The following GSE1 variants were observed in gnomAD, a reference collection of about 807,000 sequenced individuals.
GSE1 encodes Gse1 coiled-coil protein.
GSE1 carries 32 observed loss-of-function variants against 112.6 expected under a neutral mutation model. The observed-to-expected ratio is 0.28, with a 90% confidence interval of 0.21 to 0.38. The LOEUF (loss-of-function observed/expected upper bound fraction) is 0.38. Ranked by LOEUF, GSE1 falls within the 10% of genes least tolerant of loss-of-function variation. The pLI, the probability that GSE1 is intolerant of heterozygous loss-of-function variation, is 1.00. For synonymous variants in GSE1, 1,115 were observed against 735.6 expected (o/e 1.52, Z -8.35); for missense variants, 2,348 against 1,699.2 (o/e 1.38, Z -6.71).
intron 1 of GSE1, among the ~76,000 whole-genome samples, chr16:85,579,504 G>T (rs1280739280): frequency 6.6e-6 from 1 of 152,234 alleles, no homozygotes; most frequent in Non-Finnish European, 1.5e-5. Flanking sequence ...GTCTGCAGCG[G>T]TTGCTGCCGG....
upstream of GSE1, chr16:85,555,799 G>A (rs1052236145): frequency 5.1e-6 from 5 of 974,404 alleles, no homozygotes; most frequent in Non-Finnish European, 6.1e-6. Context: ...CACGTCCTGG[G>A]GGCTGTTTTT....
intron 1 of GSE1, among the ~76,000 whole-genome samples, chr16:85,307,325 C>T (rs533790142): frequency 6.6e-6 from 1 of 152,352 alleles, no homozygotes; most frequent in East Asian, 1.9e-4. Context: ...CCACCTGCGA[C>T]GTTCCAAGGC....
At position 85,665,399 on chromosome 16, in the gene GSE1, T is replaced by C. The variant is rs1458279578; in HGVS notation, c.2758+271T>C. Among the ~76,000 whole-genome samples the C allele has an allele frequency of 4.6e-5, 7 of 152,226 alleles. 1 individual carries two copies. Among genetic ancestry groups the C allele is most frequent in the Admixed American group, 4.6e-4 (7 of 15,288 alleles). On this transcript the variant is annotated intron_variant, in intron 12 of 15. Coordinates refer to ENST00000253458, the MANE Select transcript of GSE1 (RefSeq NM_014615.5). ...ACTATGGTCGTAGTAACCGTTGTCC[T>C]TCAGTTACGGCACAGAGGCTCACAT...
intron 1 of GSE1, among the ~76,000 whole-genome samples, chr16:85,289,041 G>C (rs1360846191): frequency 2.0e-5 from 3 of 152,216 alleles, no homozygotes; most frequent in African/African-American, 4.8e-5. Flanking sequence ...GGTCTGTGGG[G>C]CAGCAGCTCT....
At chr16:85,514,413 G>A (rs1435908991) in intron 2 of GSE1, among the ~76,000 whole-genome samples, 3 of 113,552 alleles carry the variant, frequency 2.6e-5, no homozygotes, top group East Asian at 5.9e-4. Context: ...CAGGATGCCC[G>A]CATGCTCTCG....
intron 3 of GSE1, among the ~76,000 whole-genome samples, chr16:85,650,692 C>T (rs750132301): frequency 1.5e-4 from 23 of 152,158 alleles, no homozygotes; most frequent in East Asian, 1.9e-4. Flanking sequence ...GGCGCGGGGC[C>T]GGCAGCTGGA....
chr16:85,573,710 G>A (rs970725396), intron 1 of GSE1, among the ~76,000 whole-genome samples: 3 of 152,194 alleles, frequency 2.0e-5, no homozygotes, highest in Non-Finnish European at 4.4e-5. Context: ...GGGCGCGTCC[G>A]GAGGGGGAGC....
At chr16:85,376,027 C>T (rs555454159) in intron 2 of GSE1, among the ~76,000 whole-genome samples, 1 of 152,202 alleles carries the variant, frequency 6.6e-6, no homozygotes, top group East Asian at 1.9e-4. Context: ...AGACCCCACA[C>T]TCCAACTTGG....
chr16:85,201,745 G>A (rs2075033186), intron 1 of GSE1, among the ~76,000 whole-genome samples: 1 of 152,178 alleles, frequency 6.6e-6, no homozygotes, highest in African/African-American at 2.4e-5. Flanking sequence ...GTGCCCCACA[G>A]TTCCAGACTT....
chr16:85,381,419 G>C (rs2047543512), intron 2 of GSE1, among the ~76,000 whole-genome samples: 1 of 152,220 alleles, frequency 6.6e-6, no homozygotes, highest in African/African-American at 2.4e-5. Context: ...GGGAACATGA[G>C]TGTGCAAATT....
intron 1 of GSE1, among the ~76,000 whole-genome samples, chr16:85,570,779 G>T (rs185837514): frequency 6.6e-6 from 1 of 152,242 alleles, no homozygotes; most frequent in Non-Finnish European, 1.5e-5. Context: ...GAGGGGCTGA[G>T]GGGGAGGGTG....
intron 2 of GSE1, among the ~76,000 whole-genome samples, chr16:85,503,512 G>A (rs1056747800): frequency 3.9e-5 from 6 of 152,204 alleles, no homozygotes; most frequent in Non-Finnish European, 7.3e-5. Context: ...GAGACACGGC[G>A]AGGGGAGCGG....
chr16:85,452,212 G>T (rs896413940), intron 2 of GSE1, among the ~76,000 whole-genome samples: 1 of 152,226 alleles, frequency 6.6e-6, no homozygotes, highest in African/African-American at 2.4e-5. Flanking sequence ...TATGTTTTGA[G>T]AGTCAAGCTG....
At chr16:85,221,200 C>A (rs2075385100) in intron 1 of GSE1, among the ~76,000 whole-genome samples, 3 of 152,180 alleles carry the variant, frequency 2.0e-5, no homozygotes, top group East Asian at 3.9e-4. Flanking sequence ...GCAGCTGTCC[C>A]TCCCGTGCTG....
intron 2 of GSE1, among the ~76,000 whole-genome samples, chr16:85,374,502 TG>T (rs1458384152): frequency 1.4e-5 from 2 of 146,098 alleles, no homozygotes; most frequent in African/African-American, 5.1e-5. Flanking sequence ...TGGCTCTCAG[TG>T]TATAATGTGT....
rs1478512048 is a variant in GSE1, at chr16:85,673,943, C to T, written c.*1404C>T. ...AAGCCACAAGGTCTGAGCTGAACCCCTCCTTTTTGAACTTACTGTGACAAG... is the reference window on the plus strand; with the variant it reads ...AAGCCACAAGGTCTGAGCTGAACCCTTCCTTTTTGAACTTACTGTGACAAG... On this transcript the variant is annotated 3_prime_UTR_variant, in exon 16 of 16. Transcript: ENST00000253458. The T allele has an allele frequency of 6.6e-6, 1 of 152,242 alleles. No homozygotes were observed. The highest frequency in any genetic ancestry group is 1.5e-5 in the Non-Finnish European group (1 of 68,050). The allele number at this position is 152,242 out of a possible 1,614,324, so 9.4% of individuals were successfully genotyped here.
At chr16:85,445,595 C>G (rs1379004876) in intron 2 of GSE1, among the ~76,000 whole-genome samples, 1 of 152,246 alleles carries the variant, frequency 6.6e-6, no homozygotes, top group Non-Finnish European at 1.5e-5. Context: ...GATAAATAGA[C>G]AAGTCGCACT....
At chr16:85,656,216 C>A in intron 6 of GSE1, 127 bp from the exon 7 acceptor site, 2 of 1,206,304 alleles carry the variant, frequency 1.7e-6, no homozygotes, top group African/African-American at 1.5e-5. Context: ...TGAAACCCGG[C>A]TCACCTCCCG....
intron 1 of GSE1, 55 bp from the exon 2 acceptor site, chr16:85,633,859 G>A: frequency 7.0e-7 from 1 of 1,432,432 alleles, no homozygotes; most frequent in Non-Finnish European, 9.7e-7. Context: ...CCCTGCTCTG[G>A]TGCTGGGCGC....
Sources: gnomAD v4.1 joint callset for allele counts (sites outside exome capture counted in the v4.1 genomes callset) on GRCh38, gnomAD v4.1.1 for gene constraint, MANE v1.5 for transcripts, NCBI Gene and HGNC (gene_info 2026-07-23, HGNC 2026-07-21) for gene names.